MAST4: variants seen among roughly 807,000 people sequenced by gnomAD.
MAST4 encodes microtubule-associated serine/threonine-protein kinase 4.
A neutral mutation model predicts 162.7 loss-of-function variants in MAST4; 89 were observed. The observed-to-expected ratio is 0.55, with a 90% CI of 0.46 to 0.65. MAST4 has a LOEUF of 0.65. Ranked by LOEUF, MAST4 falls within the 30% of genes least tolerant of loss-of-function variation. The pLI is 0.00. For missense variants in MAST4, 3,153 were observed against 3,374.0 expected (o/e 0.93, Z 1.62); for synonymous variants, 1,479 against 1,361.1 (o/e 1.09, Z -1.91).
At chr5:66,838,372 TCTTTG>T (rs1008049153) in intron 3 of MAST4, among the ~76,000 whole-genome samples, 2 of 152,148 alleles carry the variant, frequency 1.3e-5, no homozygotes, top group Non-Finnish European at 2.9e-5. Context: ...AGAACCCCAT[TCTTTG>T]CTTTTCTTTC....
At chr5:66,880,258 A>G (rs146728755) in intron 3 of MAST4, among the ~76,000 whole-genome samples, 2,682 of 152,296 alleles carry the variant, frequency 0.018, 53 homozygotes, top group African/African-American at 0.047. Context: ...CAGATATTAC[A>G]TATTTGCTCA....
In MAST4 at chr5:66,821,855, G is replaced by A. The variant is rs935222222; in HGVS notation, c.642+33061G>A. On this transcript the variant is annotated intron_variant, in intron 3 of 28. Coordinates refer to ENST00000403625, the MANE Select transcript of MAST4 (RefSeq NM_001164664.2). ...GAAGGTAGCTGAGCAGCTGTGTGAA[G>A]CAGATGCTTGGTGAGATGGTAATGG... 2.0e-5 allele frequency among the ~76,000 whole-genome samples: 3 copies of A among 152,122 alleles called. No individual in the cohort carries two copies. In the East Asian group the frequency reaches 5.8e-4, roughly 29 times the overall value.
At chr5:66,781,311 A>T (rs2149660811) in intron 2 of MAST4, among the ~76,000 whole-genome samples, 1 of 152,310 alleles carries the variant, frequency 6.6e-6, no homozygotes, top group Admixed American at 6.5e-5. Context: ...ACTTTCTGGG[A>T]GCTGCTCTGA....
intron 3 of MAST4, among the ~76,000 whole-genome samples, chr5:66,845,564 A>G (rs967872229): frequency 1.3e-5 from 2 of 152,116 alleles, no homozygotes; most frequent in Admixed American, 6.6e-5. Flanking sequence ...GAATAGTGCC[A>G]CAATAAACAT....
At chr5:66,872,905 T>C (rs971385278) in intron 3 of MAST4, among the ~76,000 whole-genome samples, 1 of 152,164 alleles carries the variant, frequency 6.6e-6, no homozygotes, top group Non-Finnish European at 1.5e-5. Context: ...CCCTCTTTCT[T>C]TTGTCCTGTA....
intron 1 of MAST4, among the ~76,000 whole-genome samples, chr5:66,691,560 A>G (rs1409124384): frequency 6.6e-6 from 1 of 152,212 alleles, no homozygotes; most frequent in Admixed American, 6.5e-5. Context: ...TGTATTTTGC[A>G]CAATTCTGGA....
At chr5:66,713,733 A>G (rs374044376) in intron 1 of MAST4, among the ~76,000 whole-genome samples, 1 of 152,148 alleles carries the variant, frequency 6.6e-6, no homozygotes, top group Non-Finnish European at 1.5e-5. Flanking sequence ...AGTTGTCAGT[A>G]TTTATCTCTT....
intron 1 of MAST4, among the ~76,000 whole-genome samples, chr5:66,744,273 T>A (rs1389815561): frequency 1.3e-5 from 2 of 152,160 alleles, no homozygotes; most frequent in African/African-American, 4.8e-5. Context: ...CTGCTGATAA[T>A]TCGTGACTCA....
rs751787327 is a variant in MAST4, at chr5:67,095,688, C to CTT, written c.912+27_912+28dup. The CTT allele has an allele frequency of 2.5e-3, 3,234 of 1,297,800 alleles. No homozygotes were observed. Among genetic ancestry groups the CTT allele is most frequent in the South Asian group, 5.6e-3 (342 of 60,946 alleles). 80.4% of individuals were successfully genotyped at this position (1,297,800 alleles called of 1,614,324 possible). A position where few individuals can be genotyped will look rare whatever the true frequency, so the allele number is the denominator to read the frequency against. On this transcript the variant is annotated intron_variant, in intron 7 of 28. Transcript: ENST00000403625. ...CTCTACGGTCTCTGTAAGTGCCTGACTTTTTTTTTTTTTTTCTCTTCCTCA... is the reference window on the plus strand; with the variant it reads ...CTCTACGGTCTCTGTAAGTGCCTGACTTTTTTTTTTTTTTTTTCTCTTCCTCA...
chr5:67,144,105 G>A (rs1770747475), intron 21 of MAST4, among the ~76,000 whole-genome samples: 1 of 152,152 alleles, frequency 6.6e-6, no homozygotes, highest in South Asian at 2.1e-4. Context: ...GAAACTGCCT[G>A]TCTATAGATG....
intron 4 of MAST4, among the ~76,000 whole-genome samples, chr5:66,903,084 T>G (rs934819653): frequency 1.3e-5 from 2 of 152,154 alleles, no homozygotes; most frequent in Non-Finnish European, 2.9e-5. Flanking sequence ...GCATTTATAT[T>G]ATAAAACTTA....
chr5:67,035,734 C>A lies in MAST4; in HGVS notation c.675-18670C>A, dbSNP rs188474169. On this transcript the variant is annotated intron_variant, in intron 4 of 28. Transcript: ENST00000403625. ...GTTGCTCACCTCTATCCCCAAGCCA[C>A]ACAATGCCCACCATGGAGCCTGTCA... Among the ~76,000 whole-genome samples, 441 of 152,322 alleles carry A rather than the reference C, an allele frequency of 2.9e-3. 2 individuals are homozygous for A. Among genetic ancestry groups the A allele is most frequent in the Middle Eastern group, 0.017 (5 of 294 alleles).
At chr5:67,130,474 T>C in intron 15 of MAST4, 56 bp downstream of exon 15, 1 of 1,560,756 alleles carries the variant, frequency 6.4e-7, no homozygotes, top group South Asian at 1.2e-5. Context: ...CTCATTTGTG[T>C]TGTTGAAGCT....
At chr5:66,865,108 G>A (rs978684245) in intron 3 of MAST4, among the ~76,000 whole-genome samples, 2 of 152,218 alleles carry the variant, frequency 1.3e-5, no homozygotes, top group Non-Finnish European at 2.9e-5. Context: ...GTAGATGGTG[G>A]TGTTCTTTGC....
intron 14 of MAST4, among the ~76,000 whole-genome samples, chr5:67,128,857 A>C (rs1768573833): frequency 6.6e-6 from 1 of 152,192 alleles, no homozygotes. Flanking sequence ...CTGTTCAGGT[A>C]AATGATTTCT....
chr5:66,815,843 C>T (rs528937310), intron 3 of MAST4, among the ~76,000 whole-genome samples: 1 of 152,128 alleles, frequency 6.6e-6, no homozygotes, highest in East Asian at 1.9e-4. Flanking sequence ...AACGTCCTTA[C>T]CTGCTGTCCC....
chr5:66,909,720 G>A (rs956405860), intron 4 of MAST4, among the ~76,000 whole-genome samples: 4 of 152,150 alleles, frequency 2.6e-5, no homozygotes, highest in African/African-American at 7.2e-5. Flanking sequence ...TACTGATAGC[G>A]TTTGGCTGTG....
At chr5:67,036,661 AATAG>A (rs1756055180) in intron 4 of MAST4, among the ~76,000 whole-genome samples, 1 of 152,196 alleles carries the variant, frequency 6.6e-6, no homozygotes, top group Non-Finnish European at 1.5e-5. Flanking sequence ...ATACTGTGTA[AATAG>A]ATCTTATACC....
At chr5:67,021,719 G>T (rs940794026) in intron 4 of MAST4, among the ~76,000 whole-genome samples, 2 of 152,214 alleles carry the variant, frequency 1.3e-5, no homozygotes, top group African/African-American at 4.8e-5. Flanking sequence ...TGTGCCAGGT[G>T]AGGACTTACT....
Sources: gnomAD v4.1 joint callset for allele counts (sites outside exome capture counted in the v4.1 genomes callset) on GRCh38, gnomAD v4.1.1 for gene constraint, MANE v1.5 for transcripts, NCBI Gene and HGNC (gene_info 2026-07-23, HGNC 2026-07-21) for gene names.